Variants in BLTP1 observed in about 807,000 individuals in gnomAD.
The protein encoded by BLTP1 is fragile site-associated protein.
the BLTP1 span, chr4:122,298,245 A>G: frequency 1.1e-6 from 1 of 946,856 alleles, no homozygotes; most frequent in Non-Finnish European, 1.3e-6. Flanking sequence ...TTTTTATTTG[A>G]TCACCTATTG....
At chr4:122,334,671 C>T in the BLTP1 span, 1 of 893,020 alleles carries the variant, frequency 1.1e-6, no homozygotes, top group Non-Finnish European at 1.7e-6. Flanking sequence ...TCAATAATGA[C>T]TCTACAGACT....
At chr4:122,258,516 C>A in the BLTP1 span, 1 of 302,908 alleles carries the variant, frequency 3.3e-6, no homozygotes, top group Non-Finnish European at 4.9e-6. Flanking sequence ...ATGTGAAAGT[C>A]TAATAAAAGC....
chr4:122,224,094 T>TA, the BLTP1 span: 3 of 982,486 alleles, frequency 3.1e-6, no homozygotes, highest in Non-Finnish European at 3.6e-6. Context: ...TGTTTGGTCT[T>TA]AATGGTCTGA....
chr4:122,319,921 C>T, the BLTP1 span, among the ~76,000 whole-genome samples: 1 of 152,010 alleles, frequency 6.6e-6, no homozygotes, highest in East Asian at 1.9e-4. Flanking sequence ...TCCACGTGAG[C>T]TTGAGAAGAA....
At chr4:122,199,494 C>T in the BLTP1 span, 5 of 1,470,476 alleles carry the variant, frequency 3.4e-6, no homozygotes, top group Admixed American at 5.5e-5. Context: ...GTATGAAAAA[C>T]AATTGATTTT....
chr4:122,325,594 T>G, the BLTP1 span: 15 of 1,134,538 alleles, frequency 1.3e-5, no homozygotes, highest in African/African-American at 4.9e-5. Flanking sequence ...TGTTGAATAA[T>G]TTTTCTTTCA....
the BLTP1 span, chr4:122,273,200 A>T: frequency 1.0e-6 from 1 of 957,066 alleles, no homozygotes. Flanking sequence ...TTTATGATTC[A>T]GAAATTTGTA....
chr4:122,304,705 T>TGG, the BLTP1 span: 2 of 1,513,182 alleles, frequency 1.3e-6, no homozygotes, highest in Admixed American at 4.3e-5. Context: ...AACACGACTA[T>TGG]TTTATTTATC....
chr4:122,174,009 A>G, the BLTP1 span, among the ~76,000 whole-genome samples: 1 of 152,142 alleles, frequency 6.6e-6, no homozygotes, highest in Non-Finnish European at 1.5e-5. Context: ...TATTAATTAA[A>G]TTTTTGACTA....
chr4:122,273,477 A>G, the BLTP1 span: 1 of 974,030 alleles, frequency 1.0e-6, no homozygotes, highest in South Asian at 4.7e-5. Flanking sequence ...TCAGATGTCT[A>G]AGTTGATATT....
At chr4:122,238,664 C>G in the BLTP1 span, among the ~76,000 whole-genome samples, 43 of 152,200 alleles carry the variant, frequency 2.8e-4, no homozygotes, top group Non-Finnish European at 4.3e-4. Flanking sequence ...ACTTTTTGTT[C>G]CTCCTCTTGC....
the BLTP1 span, among the ~76,000 whole-genome samples, chr4:122,314,820 T>C: frequency 6.6e-6 from 1 of 152,180 alleles, no homozygotes; most frequent in Non-Finnish European, 1.5e-5. Context: ...AAGGGGATGC[T>C]TATTAAAAGG....
At chr4:122,166,899 C>T in the BLTP1 span, among the ~76,000 whole-genome samples, 10 of 151,984 alleles carry the variant, frequency 6.6e-5, no homozygotes, top group Non-Finnish European at 1.2e-4. Context: ...TTAGTCTGTC[C>T]CAGGTTTTTC....
the BLTP1 span, chr4:122,154,117 G>A: frequency 2.1e-6 from 2 of 950,540 alleles, no homozygotes; most frequent in Non-Finnish European, 2.5e-6. Flanking sequence ...ACTTGGGTAA[G>A]TATTTTTGGC....
At chr4:122,190,067 A>G in the BLTP1 span, 1 of 1,613,144 alleles carries the variant, frequency 6.2e-7, no homozygotes, top group Non-Finnish European at 8.5e-7. Context: ...CTACTACTAC[A>G]TGGATGAGCC....
the BLTP1 span, chr4:122,310,926 C>A: frequency 1.1e-6 from 1 of 942,770 alleles, no homozygotes; most frequent in Non-Finnish European, 1.3e-6. Flanking sequence ...CAGTATCAGC[C>A]TACAACAGAA....
chr4:122,271,310 A>C, the BLTP1 span: 2 of 1,613,864 alleles, frequency 1.2e-6, no homozygotes, highest in African/African-American at 1.3e-5. Context: ...TAAACTTAGC[A>C]GATATACAGC....
At chr4:122,322,932 C>T in the BLTP1 span, among the ~76,000 whole-genome samples, 15 of 152,084 alleles carry the variant, frequency 9.9e-5, no homozygotes, top group African/African-American at 2.9e-4. Context: ...TTCCCTTCCC[C>T]GTGTTGGAAG....
At chr4:122,216,776 C>T in the BLTP1 span, among the ~76,000 whole-genome samples, 3 of 151,782 alleles carry the variant, frequency 2.0e-5, no homozygotes, top group African/African-American at 7.2e-5. Flanking sequence ...AATTAGGTCC[C>T]GTTTATTTGT....
Sources: allele counts gnomAD v4.1 joint callset (sites outside exome capture counted in the v4.1 genomes callset), GRCh38; gene constraint gnomAD v4.1.1; transcripts MANE v1.5; gene names NCBI Gene and HGNC (gene_info 2026-07-23, HGNC 2026-07-21).